Variants in ASTN2 observed in about 807,000 individuals in gnomAD.
ASTN2 encodes astrotactin-2.
Under a neutral mutation model 139.8 loss-of-function variants are expected in ASTN2, and 54 were observed. The observed-to-expected ratio is 0.39, with a 90% CI of 0.31 to 0.48. ASTN2 has a LOEUF of 0.48. ASTN2 is among the 20% of genes least tolerant of loss of function. The pLI is 0.95. For synonymous variants in ASTN2, 756 were observed against 719.5 expected (o/e 1.05, Z -0.81); for missense variants, 1,565 against 1,725.1 (o/e 0.91, Z 1.64).
chr9:116,912,037 C>T (rs1040401225), intron 10 of ASTN2, among the ~76,000 whole-genome samples: 1 of 152,212 alleles, frequency 6.6e-6, no homozygotes, highest in Non-Finnish European at 1.5e-5. Context: ...ATTCTAACTC[C>T]AGGAAGCTTT....
intron 11 of ASTN2, among the ~76,000 whole-genome samples, chr9:116,838,368 C>G (rs1832081333): frequency 6.6e-6 from 1 of 151,928 alleles, no homozygotes; most frequent in African/African-American, 2.4e-5. Context: ...CCTCAGCACT[C>G]CCAAAGTACT....
chr9:117,133,229 G>A (rs904849483), intron 4 of ASTN2, among the ~76,000 whole-genome samples: 1 of 152,150 alleles, frequency 6.6e-6, no homozygotes, highest in African/African-American at 2.4e-5. Context: ...AGATTCATTA[G>A]GTGCTTACCA....
intron 6 of ASTN2, among the ~76,000 whole-genome samples, chr9:117,027,808 G>A (rs919326564): frequency 1.3e-5 from 2 of 152,100 alleles, no homozygotes; most frequent in East Asian, 1.9e-4. Context: ...AATGACACAT[G>A]TGATCCCTGT....
chr9:116,836,419 C>T (rs747947828), intron 11 of ASTN2, among the ~76,000 whole-genome samples: 12 of 152,142 alleles, frequency 7.9e-5, no homozygotes, highest in East Asian at 1.9e-4. Context: ...TGGCTCCCCA[C>T]GCCATTCAAC....
At chr9:116,817,326 A>G (rs994761889) in intron 12 of ASTN2, among the ~76,000 whole-genome samples, 2 of 36,936 alleles carry the variant, frequency 5.4e-5, no homozygotes, top group East Asian at 0.014. Flanking sequence ...AAGAATGGGT[A>G]TTAATTATCT....
chr9:116,428,960 A>C (rs1380467731), intron 22 of ASTN2, among the ~76,000 whole-genome samples: 1 of 152,218 alleles, frequency 6.6e-6, no homozygotes, highest in East Asian at 1.9e-4. Context: ...TCAAGAAGCA[A>C]AGTAACAGGT....
intron 5 of ASTN2, among the ~76,000 whole-genome samples, chr9:117,092,966 A>C (rs1828743699): frequency 6.6e-6 from 1 of 152,192 alleles, no homozygotes; most frequent in South Asian, 2.1e-4. Context: ...AAAGGAGAGA[A>C]ACAGGAAAGG....
intron 1 of ASTN2, among the ~76,000 whole-genome samples, chr9:117,328,642 G>A (rs1033196889): frequency 1.3e-5 from 2 of 152,144 alleles, no homozygotes; most frequent in African/African-American, 4.8e-5. Flanking sequence ...ACTGCTTAGT[G>A]GCCTCATTTT....
intron 1 of ASTN2, among the ~76,000 whole-genome samples, chr9:117,324,791 C>T (rs1312877675): frequency 7.2e-5 from 11 of 152,096 alleles, no homozygotes. Context: ...CCAGGCCATG[C>T]TAAGGATCTG....
chr9:117,116,703 G>C (rs1829401022), intron 4 of ASTN2, among the ~76,000 whole-genome samples: 1 of 151,416 alleles, frequency 6.6e-6, no homozygotes, highest in South Asian at 2.1e-4. Context: ...GGCTACATGG[G>C]AATGTGCCTG....
intron 19 of ASTN2, among the ~76,000 whole-genome samples, chr9:116,511,006 C>A (rs1850351679): frequency 6.6e-6 from 1 of 152,182 alleles, no homozygotes; most frequent in Non-Finnish European, 1.5e-5. Flanking sequence ...CCTTCTCCTG[C>A]CTGATTGCCC....
chr9:116,766,804 T>TAAACA (rs1829822581), intron 13 of ASTN2, among the ~76,000 whole-genome samples: 1 of 149,656 alleles, frequency 6.7e-6, no homozygotes, highest in Non-Finnish European at 1.5e-5. Context: ...ACACACACAT[T>TAAACA]CATACACATA....
rs1365341609 is a variant in ASTN2 at position 117,225,533 on chromosome 9, A to ATG, written c.631-10793_631-10792dup. On this transcript the variant is annotated intron_variant, in intron 2 of 22. Transcript: ENST00000313400. ...TTCAAGACCAGCCTGGCCAAGCTGT[A>ATG]TGTATATATATATATATATATATAT... Among the ~76,000 whole-genome samples the ATG allele has an allele frequency of 1.8e-3, 100 of 55,550 alleles. 3 individuals are homozygous for ATG. Among genetic ancestry groups the ATG allele is most frequent in the South Asian group, 6.0e-3 (6 of 994 alleles). The allele number at this position is 55,550 out of a possible 152,430, so 36.4% of individuals were successfully genotyped here.
At chr9:116,780,618 G>C (rs1269714259) in intron 13 of ASTN2, among the ~76,000 whole-genome samples, 2 of 152,094 alleles carry the variant, frequency 1.3e-5, no homozygotes, top group Non-Finnish European at 2.9e-5. Context: ...GCTTAGGATT[G>C]AGCACCAGAC....
At chr9:117,393,430 G>A (rs1470514990) in intron 1 of ASTN2, among the ~76,000 whole-genome samples, 1 of 151,762 alleles carries the variant, frequency 6.6e-6, no homozygotes, top group Admixed American at 6.6e-5. Flanking sequence ...AATAGAAAGC[G>A]AGAGAAAAAA....
chr9:117,145,339 C>T (rs945127250), intron 3 of ASTN2, among the ~76,000 whole-genome samples: 5 of 152,178 alleles, frequency 3.3e-5, no homozygotes, highest in African/African-American at 1.2e-4. Flanking sequence ...TGTACTCATT[C>T]CTAGCTTGTG....
At chr9:116,430,629 T>C (rs768349597) in intron 22 of ASTN2, among the ~76,000 whole-genome samples, 12 of 152,246 alleles carry the variant, frequency 7.9e-5, no homozygotes, top group Non-Finnish European at 1.6e-4. Context: ...TTTTCTCCTG[T>C]GTAAATGAAA....
chr9:116,425,513 G>C lies in ASTN2; in HGVS notation c.*338C>G. On this transcript the variant is annotated 3_prime_UTR_variant, in exon 23 of 23. Coordinates refer to ENST00000313400, the MANE Select transcript of ASTN2 (RefSeq NM_001365068.1). ...AGAAAGCAGAGTGTGGCAGGAAGAA[G>C]GAAGAAGAGCAAAGGCCGCTTGGTC... 6.5e-7 allele frequency: 1 copy of C among 1,537,936 alleles called. No homozygotes were observed. The highest frequency in any genetic ancestry group is 9.0e-7 in the Non-Finnish European group (1 of 1,116,344).
intron 3 of ASTN2, among the ~76,000 whole-genome samples, chr9:117,142,857 C>T (rs907654492): frequency 3.9e-5 from 6 of 152,180 alleles, no homozygotes; most frequent in African/African-American, 1.2e-4. Context: ...ACTCATCCCT[C>T]CCTCCATCTG....
Sources: gnomAD v4.1 joint callset for allele counts (sites outside exome capture counted in the v4.1 genomes callset) on GRCh38, gnomAD v4.1.1 for gene constraint, MANE v1.5 for transcripts, NCBI Gene and HGNC (gene_info 2026-07-23, HGNC 2026-07-21) for gene names.